Variants in STK32C observed in about 807,000 individuals in gnomAD.
The protein encoded by STK32C is serine/threonine kinase 32C.
STK32C carries 31 observed loss-of-function variants against 56.5 expected under a neutral mutation model. That is an observed-to-expected ratio of 0.55 (90% CI 0.41 to 0.74). The LOEUF (loss-of-function observed/expected upper bound fraction) is 0.74. Among genes scored for constraint, STK32C ranks in the 30% least tolerant of loss-of-function variants. STK32C has a pLI of 0.00. For synonymous variants in STK32C, 309 were observed against 289.4 expected (o/e 1.07, Z -0.69); for missense variants, 544 against 676.9 (o/e 0.80, Z 2.18).
chr10:132,227,561 C>T (rs2637637), intron 3 of STK32C, among the ~76,000 whole-genome samples: 97,841 of 151,572 alleles, frequency 0.65, 32,748 homozygotes, highest in East Asian at 0.92. Context: ...ATAGTGATGA[C>T]GGTGATGAGA....
At chr10:132,250,641 A>G (rs2063867959) in intron 1 of STK32C, among the ~76,000 whole-genome samples, 1 of 148,548 alleles carries the variant, frequency 6.7e-6, no homozygotes, top group African/African-American at 2.5e-5. Flanking sequence ...GGTGCCCGGG[A>G]CAGGTCACTG....
At chr10:132,309,990 A>G (rs12249992), upstream of STK32C, among the ~76,000 whole-genome samples, 15,309 of 152,250 alleles carry the variant, frequency 0.1, 1,125 homozygotes, top group African/African-American at 0.21. Context: ...GCAGGTAACC[A>G]GGACCCCAAA....
Position 132,225,149 on chromosome 10 carries a change from G to A in STK32C, c.876+84C>T, listed in dbSNP as rs992397625. The A allele has an allele frequency of 6.1e-6, 7 of 1,145,540 alleles. No individual in the cohort carries two copies. In the Admixed American group the frequency reaches 7.7e-5, roughly 13 times the overall value. The allele number at this position is 1,145,540 out of a possible 1,614,324, so 71.0% of individuals were successfully genotyped here. On this transcript the variant is annotated intron_variant, in intron 7 of 11. Transcript: ENST00000298630. ...GACATCCCTGCGCACCTGGACACTG[G>A]GGCAGCCACCCCCTCCCCAGCACTG... is the stretch of plus-strand genomic sequence containing the variant.
At chr10:132,303,635 G>A (rs543963455) in intron 1 of STK32C, among the ~76,000 whole-genome samples, 10 of 152,366 alleles carry the variant, frequency 6.6e-5, no homozygotes, top group East Asian at 1.9e-4. Context: ...GTGGAAACAC[G>A]TGAAATGTGT....
chr10:132,306,408 A>T (rs1289652986), intron 1 of STK32C, among the ~76,000 whole-genome samples: 1 of 152,254 alleles, frequency 6.6e-6, no homozygotes, highest in Non-Finnish European at 1.5e-5. Context: ...GAAGTTCAGG[A>T]CACAGTGACG....
intron 1 of STK32C, among the ~76,000 whole-genome samples, chr10:132,268,279 C>A (rs2064659181): frequency 7.9e-6 from 1 of 126,516 alleles, no homozygotes; most frequent in South Asian, 2.6e-4. Flanking sequence ...AGGTTCAGCT[C>A]TATGCCTGTG....
At chr10:132,301,848 C>G (rs559385126) in intron 1 of STK32C, among the ~76,000 whole-genome samples, 1 of 152,226 alleles carries the variant, frequency 6.6e-6, no homozygotes, top group Non-Finnish European at 1.5e-5. Context: ...GGTTAGAGAT[C>G]CCCCTCCAGG....
chr10:132,210,477 A>C (rs2062255624), intron 10 of STK32C, among the ~76,000 whole-genome samples: 1 of 152,164 alleles, frequency 6.6e-6, no homozygotes, highest in Non-Finnish European at 1.5e-5. Context: ...TGAACTCCTG[A>C]CCTCAGGTGC....
downstream of STK32C, among the ~76,000 whole-genome samples, chr10:132,320,548 G>T (rs999323751): frequency 3.3e-5 from 5 of 152,148 alleles, no homozygotes; most frequent in African/African-American, 1.2e-4. Flanking sequence ...GCTGGGGCAC[G>T]GGGCCCTGTT....
downstream of STK32C, among the ~76,000 whole-genome samples, chr10:132,320,324 A>G (rs772907247): frequency 6.6e-6 from 1 of 151,944 alleles, no homozygotes; most frequent in African/African-American, 2.4e-5. Context: ...AACTGTTGCA[A>G]TGGGGAAGAG....
At position 132,224,263 on chromosome 10, in the gene STK32C, G is replaced by A. The variant is rs1431389527; in HGVS notation, c.993+144C>T. The A allele has an allele frequency of 1.8e-4, 117 of 659,448 alleles. 4 individuals are homozygous for A. The South Asian group carries it at 2.0e-3, about 11-fold the overall frequency. 40.8% of individuals were successfully genotyped at this position (659,448 alleles called of 1,614,324 possible). ...GGGCTTGGGGCTGCCATCTGCGGAG[G>A]CCCCCACAGGTTGCAGTGAAGGGAT... On this transcript the variant is annotated intron_variant, in intron 8 of 11. Coordinates refer to ENST00000298630, the MANE Select transcript of STK32C (RefSeq NM_173575.4).
intron 2 of STK32C, among the ~76,000 whole-genome samples, chr10:132,229,310 A>G (rs779209277): frequency 5.9e-5 from 9 of 152,106 alleles, no homozygotes; most frequent in Non-Finnish European, 1.0e-4. Flanking sequence ...CTGGATCTCA[A>G]GGTGGGCCAC....
chr10:132,230,258 T>C (rs935277992), intron 2 of STK32C, among the ~76,000 whole-genome samples: 2 of 152,252 alleles, frequency 1.3e-5, no homozygotes, highest in Non-Finnish European at 2.9e-5. Context: ...GAGCGTAAGC[T>C]GCAGCAGCCC....
At chr10:132,208,314 C>T (rs1320176177) in intron 11 of STK32C, among the ~76,000 whole-genome samples, 163 bp from the exon 12 acceptor site, 1 of 152,228 alleles carries the variant, frequency 6.6e-6, no homozygotes, top group African/African-American at 2.4e-5. Context: ...GATACACTGG[C>T]AGGGAGCCTG....
chr10:132,309,336 C>T (rs1287561282), upstream of STK32C, among the ~76,000 whole-genome samples: 9 of 151,746 alleles, frequency 5.9e-5, no homozygotes, highest in Non-Finnish European at 1.0e-4. Context: ...GACATGCACC[C>T]GCCTGGACAT....
intron 2 of STK32C, among the ~76,000 whole-genome samples, chr10:132,240,074 C>T (rs925957809): frequency 8.5e-5 from 13 of 152,094 alleles, no homozygotes; most frequent in African/African-American, 2.4e-4. Context: ...GCACGAGGCC[C>T]CCCCCAAAGA....
rs549218580 is a variant in STK32C at position 132,219,107 on chromosome 10, G to A, written c.1251+3534C>T. ...TCTTTCTCTTACATTACATGAAAAG[G>A]TTCTAAAATCAGATTGTGGTGGAGA... On this transcript the variant is annotated intron_variant, in intron 10 of 11. Transcript: ENST00000298630. Among the ~76,000 whole-genome samples, 216 of 152,268 alleles carry A rather than the reference G, an allele frequency of 1.4e-3. 5 individuals are homozygous for A. In the South Asian group the frequency reaches 0.043, roughly 30 times the overall value.
intron 1 of STK32C, among the ~76,000 whole-genome samples, chr10:132,250,126 C>A (rs2063843168): frequency 6.6e-6 from 1 of 152,244 alleles, no homozygotes; most frequent in Non-Finnish European, 1.5e-5. Flanking sequence ...GTTCCCAGAG[C>A]TCCCTGCACG....
chr10:132,326,823 T>C (rs1276943281), intron 1 of STK32C, among the ~76,000 whole-genome samples: 1 of 152,194 alleles, frequency 6.6e-6, no homozygotes, highest in Non-Finnish European at 1.5e-5. Flanking sequence ...TAGTTTCAGG[T>C]TTCTTTGGAA....
Sources: gnomAD v4.1 joint callset for allele counts (sites outside exome capture counted in the v4.1 genomes callset) on GRCh38, gnomAD v4.1.1 for gene constraint, MANE v1.5 for transcripts, NCBI Gene and HGNC (gene_info 2026-07-23, HGNC 2026-07-21) for gene names.